ACTN1: variants seen among roughly 807,000 people sequenced by gnomAD.
ACTN1 encodes actinin alpha 1, also known as alpha-actinin-1.
ACTN1 carries 30 observed loss-of-function variants against 119.6 expected under a neutral mutation model. That is an observed-to-expected ratio of 0.25 (90% CI 0.19 to 0.34). The LOEUF (loss-of-function observed/expected upper bound fraction) is 0.34, where lower values mean the gene tolerates loss of function less well. Among genes scored for constraint, ACTN1 ranks in the 10% least tolerant of loss-of-function variants. The pLI is 1.00. For missense variants in ACTN1, 764 were observed against 1,223.4 expected (o/e 0.62, Z 5.60); for synonymous variants, 429 against 472.6 (o/e 0.91, Z 1.20).
intron 1 of ACTN1, among the ~76,000 whole-genome samples, chr14:68,957,429 G>A (rs1041453931): frequency 3.3e-5 from 5 of 152,174 alleles, no homozygotes; most frequent in Admixed American, 2.6e-4. Flanking sequence ...ACAATGACTC[G>A]GCCATCAGGT....
rs61251565 is a variant in ACTN1, at chr14:68,979,141, A to AGGGCT, written c.-90_-86dup. 0.18 allele frequency: 75,657 copies of AGGGCT among 414,564 alleles called. 14,627 individuals carry two copies. Among genetic ancestry groups the AGGGCT allele is most frequent in the East Asian group, 0.84 (5,984 of 7,102 alleles). 25.7% of individuals were successfully genotyped at this position (414,564 alleles called of 1,614,324 possible). ...TGCTGCCCTGGCGTGGGGAGGGAGT[A>AGGGCT]GGGCTGGGCTGGGCTGGGCTGGCGG... On this transcript the variant is annotated 5_prime_UTR_variant, in exon 1 of 22. Coordinates refer to ENST00000394419, the MANE Select transcript of ACTN1 (RefSeq NM_001130004.2).
chr14:68,942,606 C>T (rs541779148), intron 1 of ACTN1, among the ~76,000 whole-genome samples: 2 of 151,650 alleles, frequency 1.3e-5, no homozygotes, highest in East Asian at 3.9e-4. Context: ...CATCTCTTTA[C>T]ACCTAATAGA....
At chr14:68,919,288 G>A (rs773766398) in intron 3 of ACTN1, among the ~76,000 whole-genome samples, 2 of 152,040 alleles carry the variant, frequency 1.3e-5, no homozygotes, top group Non-Finnish European at 2.9e-5. Flanking sequence ...AGCTTGCCAC[G>A]GTCCCTACCC....
rs933376905 is a variant in ACTN1 at position 68,880,491 on chromosome 14, A to C, written c.2133+319T>G. Among the ~76,000 whole-genome samples, 1 of 152,070 alleles carries C rather than the reference A, an allele frequency of 6.6e-6. No homozygotes were observed. The highest frequency in any genetic ancestry group is 6.6e-5 in the Admixed American group (1 of 15,230). On this transcript the variant is annotated intron_variant, in intron 17 of 21. Transcript: ENST00000394419. This position sits in a 1 kb window ranked among gnomAD's most constrained non-coding sequence, Gnocchi z 4.6. Reference sequence around the variant, plus strand: ...CACACACACACACTCTTGCACAGTTAAAACAAGTAGCCATTTTCAAAGCAG... The same window carrying C: ...CACACACACACACTCTTGCACAGTTCAAACAAGTAGCCATTTTCAAAGCAG...
chr14:68,931,420 C>T (rs2035216434), intron 1 of ACTN1, among the ~76,000 whole-genome samples: 1 of 152,140 alleles, frequency 6.6e-6, no homozygotes, highest in African/African-American at 2.4e-5. Context: ...TTGAGGGGAA[C>T]TTTGGGAACT....
At chr14:68,907,582 C>T (rs1157606642) in intron 6 of ACTN1, among the ~76,000 whole-genome samples, 1 of 151,822 alleles carries the variant, frequency 6.6e-6, no homozygotes, top group African/African-American at 2.4e-5. Context: ...AAAACAAAAA[C>T]AAAAACAAAA....
intron 3 of ACTN1, among the ~76,000 whole-genome samples, chr14:68,916,083 T>A (rs1056127282): frequency 2.0e-5 from 3 of 152,086 alleles, no homozygotes; most frequent in African/African-American, 4.8e-5. Flanking sequence ...CTTAGAAAAA[T>A]TTTTTAGCAT....
At chr14:68,957,677 TC>T (rs1346011401) in intron 1 of ACTN1, among the ~76,000 whole-genome samples, 12 of 152,216 alleles carry the variant, frequency 7.9e-5, no homozygotes, top group African/African-American at 2.9e-4. Flanking sequence ...CAGAAGCAAC[TC>T]TGTGGGTTGC....
At chr14:68,961,886 C>T (rs1278535928) in intron 1 of ACTN1, among the ~76,000 whole-genome samples, 2 of 152,168 alleles carry the variant, frequency 1.3e-5, no homozygotes, top group African/African-American at 4.8e-5. Context: ...CATCCACCTC[C>T]AGAAACTACC....
intron 8 of ACTN1, among the ~76,000 whole-genome samples, chr14:68,901,565 C>T (rs767377625): frequency 2.6e-5 from 4 of 152,144 alleles, no homozygotes; most frequent in Admixed American, 2.6e-4. Context: ...CATTTTAAAA[C>T]GGTCACTCAG....
Position 68,877,244 on chromosome 14 carries a change from G to C in ACTN1, c.2428-4C>G. 1 of 1,614,058 alleles carries C rather than the reference G, an allele frequency of 6.2e-7. No individual in the cohort carries two copies. The highest frequency in any genetic ancestry group is 8.5e-7 in the Non-Finnish European group (1 of 1,180,002). On this transcript the variant is annotated splice_region_variant and splice_polypyrimidine_tract_variant and intron_variant, in intron 20 of 21. Transcript: ENST00000394419. ...TGCGGGCAAATTCTGCTTCTCCCTG[G>C]AGGGAACAGCCAAACCCAGGCCTGT...
intron 1 of ACTN1, among the ~76,000 whole-genome samples, chr14:68,954,906 C>G (rs2036301585): frequency 1.3e-5 from 2 of 152,220 alleles, no homozygotes; most frequent in East Asian, 1.9e-4. Context: ...TTTGCCTTCT[C>G]TGGGCCTCCA....
At chr14:68,968,931 G>C (rs113535336) in intron 1 of ACTN1, among the ~76,000 whole-genome samples, 12 of 152,346 alleles carry the variant, frequency 7.9e-5, no homozygotes, top group South Asian at 4.1e-4. Context: ...ACAGTCCCAG[G>C]GCCAGCAATG....
Position 68,874,978 on chromosome 14 carries a change from G to C in ACTN1, c.2626C>G (p.Pro876Ala). The C allele has an allele frequency of 6.2e-7, 1 of 1,613,806 alleles. No individual in the cohort carries two copies. Among genetic ancestry groups the C allele is most frequent in the Non-Finnish European group, 8.5e-7 (1 of 1,180,008 alleles). Residue 876 changes from proline (P) to alanine (A), a missense_variant, in exon 22 of 22, where the codon CCC becomes GCC. Pro to Ala is a conservative substitution (Grantham distance 27). Transcript: ENST00000394419. ...GCGATGCAGTACTCAGCCTGGTCGGGTGGCAGCTCGCGGCGCAGCTCGTCC... is the reference window on the plus strand; with the variant it reads ...GCGATGCAGTACTCAGCCTGGTCGGCTGGCAGCTCGCGGCGCAGCTCGTCC... Reference protein sequence around the residue: ...TMDELRRELPPDQAEYCIARM... With the variant: ...TMDELRRELPADQAEYCIARM...
At chr14:68,955,339 G>A (rs1030848443) in intron 1 of ACTN1, among the ~76,000 whole-genome samples, 1 of 152,188 alleles carries the variant, frequency 6.6e-6, no homozygotes, top group Admixed American at 6.5e-5. Flanking sequence ...ACTGCTGGCA[G>A]ACCCCCAGGC....
At chr14:68,936,372 G>C (rs2035510359) in intron 1 of ACTN1, among the ~76,000 whole-genome samples, 1 of 152,170 alleles carries the variant, frequency 6.6e-6, no homozygotes, top group Non-Finnish European at 1.5e-5. Flanking sequence ...ATTCCTAGCA[G>C]GACACAGAAG....
At chr14:68,903,130 C>G (rs1276962616) in intron 7 of ACTN1, among the ~76,000 whole-genome samples, 4 of 152,108 alleles carry the variant, frequency 2.6e-5, no homozygotes, top group Admixed American at 2.6e-4. Flanking sequence ...GATACTTCAA[C>G]AAAGAAAACA....
intron 10 of ACTN1, among the ~76,000 whole-genome samples, chr14:68,891,282 C>G (rs12586914): frequency 1.3e-5 from 2 of 152,136 alleles, no homozygotes; most frequent in Non-Finnish European, 2.9e-5. Context: ...AAATTTTTCC[C>G]TAAGTTGTGG....
chr14:68,979,261 C>A lies in ACTN1; in HGVS notation c.-205G>T. Reference sequence around the variant, plus strand: ...AGCGGCGGCTGGGCTCGCGGACTGCCTGCCTCTGGGCGGGCGCTTGGACCT... The same window carrying A: ...AGCGGCGGCTGGGCTCGCGGACTGCATGCCTCTGGGCGGGCGCTTGGACCT... On this transcript the variant is annotated 5_prime_UTR_variant, in exon 1 of 22. It adds an upstream start codon to the 5' untranslated region. Transcript: ENST00000394419. 1 of 397,038 alleles carries A rather than the reference C, an allele frequency of 2.5e-6. No homozygotes were observed. 24.6% of individuals were successfully genotyped at this position (397,038 alleles called of 1,614,324 possible).
Sources: allele counts gnomAD v4.1 joint callset (sites outside exome capture counted in the v4.1 genomes callset), GRCh38; gene constraint gnomAD v4.1.1; non-coding constraint Gnocchi (gnomAD v3.1); transcripts MANE v1.5; gene names NCBI Gene and HGNC (gene_info 2026-07-23, HGNC 2026-07-21).